Variants in JAK2 observed in about 807,000 individuals in gnomAD.
JAK2 encodes the protein Janus kinase 2, also known as tyrosine-protein kinase JAK2.
In JAK2, 86 loss-of-function variants were observed where a neutral mutation model predicts 139.3. That is an observed-to-expected ratio of 0.62 (90% CI 0.52 to 0.74). The LOEUF is 0.74. JAK2 is among the 30% of genes least tolerant of loss of function. JAK2 has a pLI of 0.00. For synonymous variants in JAK2, 490 were observed against 437.7 expected (o/e 1.12, Z -1.49); for missense variants, 1,421 against 1,360.3 (o/e 1.04, Z -0.70).
intron 22 of JAK2, among the ~76,000 whole-genome samples, chr9:5,096,453 T>A (rs1820994547): frequency 6.6e-6 from 1 of 152,142 alleles, no homozygotes; most frequent in South Asian, 2.1e-4. Context: ...AGTTAACAGC[T>A]AAATACCCTA....
At chr9:4,986,983 T>C (rs769857349) in intron 2 of JAK2, among the ~76,000 whole-genome samples, 14 of 152,228 alleles carry the variant, frequency 9.2e-5, no homozygotes, top group African/African-American at 3.4e-4. Context: ...CATTTGAAGA[T>C]GAATAATCAA....
chr9:5,032,314 C>A (rs986219484), intron 4 of JAK2, among the ~76,000 whole-genome samples: 26 of 152,368 alleles, frequency 1.7e-4, no homozygotes, highest in African/African-American at 6.0e-4. Flanking sequence ...TAGACTCCAC[C>A]TCTGGGGGCA....
intron 8 of JAK2, among the ~76,000 whole-genome samples, chr9:5,063,975 T>G (rs530835637): frequency 9.3e-5 from 14 of 150,976 alleles, no homozygotes; most frequent in East Asian, 8.0e-4. Flanking sequence ...GGCCAACATG[T>G]TGAAACTCTG....
At chr9:5,047,954 A>G (rs1189705625) in intron 5 of JAK2, among the ~76,000 whole-genome samples, 1 of 152,038 alleles carries the variant, frequency 6.6e-6, no homozygotes, top group Non-Finnish European at 1.5e-5. Context: ...ACATACTATA[A>G]TATTTAAGGA....
At chr9:5,040,654 C>A (rs1816417708) in intron 4 of JAK2, among the ~76,000 whole-genome samples, 1 of 152,254 alleles carries the variant, frequency 6.6e-6, no homozygotes, top group Non-Finnish European at 1.5e-5. Flanking sequence ...AGGCAAGGGA[C>A]TTGGATAGAC....
intron 22 of JAK2, 189 bp downstream of exon 22, chr9:5,091,100 A>G (rs933883426): frequency 8.6e-6 from 4 of 466,498 alleles, no homozygotes; most frequent in African/African-American, 8.2e-5. Context: ...AAAATGGCAT[A>G]TGCTTTATTT....
At chr9:5,072,468 TTC>T in intron 12 of JAK2, 22 bp from the exon 13 acceptor site, 1 of 1,498,878 alleles carries the variant, frequency 6.7e-7, no homozygotes, top group Non-Finnish European at 8.9e-7. Context: ...ACTCATTCTT[TTC>T]TTTTACCTTT....
Position 5,054,576 on chromosome 9 carries a change from T to G in JAK2, c.628T>G (p.Leu210Val). The G allele has an allele frequency of 6.3e-7, 1 of 1,584,182 alleles. No homozygotes were observed. The highest frequency in any genetic ancestry group is 8.6e-7 in the Non-Finnish European group (1 of 1,163,648). ...IYNSISYKTF[L>V]PKCIRAKIQD... is the part of the protein sequence containing the mutation. ...TTTTATCCCTAGCTACAAGACATTC[T>G]TACCAAAATGTATTCGAGCAAAGAT... is the stretch of plus-strand genomic sequence containing the variant. Residue 210 changes from leucine to valine, a missense_variant, in exon 7 of 25, where the codon TTA becomes GTA. Transcript: ENST00000381652. This position sits in a 1 kb window ranked among gnomAD's most constrained non-coding sequence, Gnocchi z 4.9.
chr9:5,054,724 A>G lies in JAK2; in HGVS notation c.776A>G (p.Glu259Gly). 1 of 1,613,400 alleles carries G rather than the reference A, an allele frequency of 6.2e-7. No homozygotes were observed. Among genetic ancestry groups the G allele is most frequent in the Non-Finnish European group, 8.5e-7 (1 of 1,179,474 alleles). The change falls in exon 7 of 25, where the codon GAA becomes GGA. Residue 259 changes from glutamate (E) to glycine (G), a missense_variant. Glu to Gly is a moderately conservative substitution (Grantham distance 98, BLOSUM62 -2). Transcript: ENST00000381652. The surrounding 1 kb of genome is among the most constrained non-coding windows in gnomAD (Gnocchi z 4.9). ...AAACTTAAGTATCTTATAAATCTGG[A>G]AACTCTGCAGTCTGCCTTCTACACA... ...NLKLKYLINL[E>G]TLQSAFYTEK...
In JAK2 at chr9:5,105,077, A is replaced by G. The variant is rs368089818; in HGVS notation, c.3059+14166A>G. On this transcript the variant is annotated intron_variant, in intron 22 of 24. Coordinates refer to ENST00000381652, the MANE Select transcript of JAK2 (RefSeq NM_004972.4). Reference sequence around the variant, plus strand: ...TGGCCAGGGCAATCAGGCAAGAGAAAGAAATAAAGGGTATTCAATTAGGAA... The same window carrying G: ...TGGCCAGGGCAATCAGGCAAGAGAAGGAAATAAAGGGTATTCAATTAGGAA... Among the ~76,000 whole-genome samples the G allele has an allele frequency of 5.9e-5, 9 of 152,310 alleles. No individual in the cohort carries two copies. In the South Asian group the frequency reaches 1.7e-3, roughly 28 times the overall value.
intron 11 of JAK2, 133 bp from the exon 12 acceptor site, chr9:5,069,792 A>G (rs1319023620): frequency 9.1e-6 from 4 of 441,530 alleles, no homozygotes; most frequent in Non-Finnish European, 1.5e-5. Context: ...ATAATTTTCT[A>G]TTATAAAAAA....
chr9:5,064,169 A>G (rs566960115), intron 8 of JAK2, among the ~76,000 whole-genome samples: 3 of 152,014 alleles, frequency 2.0e-5, no homozygotes, highest in African/African-American at 7.2e-5. Context: ...GGGGGCCACA[A>G]AAAAATCATA....
intron 2 of JAK2, among the ~76,000 whole-genome samples, chr9:4,987,398 G>C (rs1314315617): frequency 1.3e-5 from 2 of 152,146 alleles, no homozygotes; most frequent in African/African-American, 4.8e-5. Context: ...TGGCTTTGGA[G>C]TGAGATCTGG....
chr9:5,011,331 ACAGAGCAC>A (rs1440417221), intron 2 of JAK2, among the ~76,000 whole-genome samples: 1 of 152,096 alleles, frequency 6.6e-6, no homozygotes, highest in Non-Finnish European at 1.5e-5. Context: ...GACTACGGGC[ACAGAGCAC>A]CATGCCCAGC....
intron 4 of JAK2, among the ~76,000 whole-genome samples, chr9:5,030,707 T>C (rs934385875): frequency 1.3e-5 from 2 of 152,082 alleles, no homozygotes; most frequent in African/African-American, 2.4e-5. Flanking sequence ...ATAATATTTA[T>C]TATTGTGCCT....
At chr9:5,006,721 G>A (rs760873640) in intron 2 of JAK2, among the ~76,000 whole-genome samples, 16 of 152,154 alleles carry the variant, frequency 1.1e-4, no homozygotes, top group Non-Finnish European at 1.3e-4. Flanking sequence ...CTAGCAAAGC[G>A]TAAATCCATC....
At chr9:5,075,022 G>T (rs889623290) in intron 14 of JAK2, among the ~76,000 whole-genome samples, 2 of 151,946 alleles carry the variant, frequency 1.3e-5, no homozygotes, top group African/African-American at 4.9e-5. Context: ...CTAGATAGAA[G>T]ATCAAACCAG....
chr9:5,040,124 G>A (rs975667323), intron 4 of JAK2, among the ~76,000 whole-genome samples: 9 of 152,196 alleles, frequency 5.9e-5, no homozygotes, highest in African/African-American at 2.2e-4. Flanking sequence ...TTAATGGAAA[G>A]GAATTGACAG....
chr9:5,072,622 C>A lies in JAK2; in HGVS notation c.1772C>A (p.Ser591Ter). 1 of 1,599,034 alleles carries A rather than the reference C, an allele frequency of 6.3e-7. No individual in the cohort carries two copies. The highest frequency in any genetic ancestry group is 1.1e-5 in the South Asian group (1 of 88,438). ...CTGGATAAAGCACACAGAAACTATTCAGAGGTGTGTATGTTCTTTATATTG... is the reference window on the plus strand; with the variant it reads ...CTGGATAAAGCACACAGAAACTATTAAGAGGTGTGTATGTTCTTTATATTG... ...KVLDKAHRNY[S>*]ESFFEAASMM... Residue 591 changes from serine to a stop codon, truncating the protein, a stop_gained, in exon 13 of 25, where the codon TCA (serine) becomes TAA (stop). Transcript: ENST00000381652. LOFTEE classifies it high-confidence loss of function.
Sources: gnomAD v4.1 joint callset for allele counts (sites outside exome capture counted in the v4.1 genomes callset) on GRCh38, gnomAD v4.1.1 for gene constraint, Gnocchi (gnomAD v3.1) non-coding constraint, MANE v1.5 for transcripts, NCBI Gene and HGNC (gene_info 2026-07-23, HGNC 2026-07-21) for gene names.